The following DGKB variants were observed in gnomAD, a reference collection of about 807,000 sequenced individuals.
DGKB encodes 90 kDa diacylglycerol kinase.
Under a neutral mutation model 114.3 loss-of-function variants are expected in DGKB, and 67 were observed. That is an observed-to-expected ratio of 0.59 (90% CI 0.48 to 0.72). The LOEUF (loss-of-function observed/expected upper bound fraction) is 0.72. Ranked by LOEUF, DGKB falls within the 30% of genes least tolerant of loss-of-function variation. DGKB has a pLI of 0.00. For synonymous variants in DGKB, 398 were observed against 323.1 expected (o/e 1.23, Z -2.49); for missense variants, 907 against 975.2 (o/e 0.93, Z 0.93).
intron 13 of DGKB, among the ~76,000 whole-genome samples, chr7:14,663,754 A>T (rs1817565564): frequency 6.8e-6 from 1 of 147,332 alleles, no homozygotes; most frequent in African/African-American, 2.5e-5. Context: ...CTGTCTCATA[A>T]ATCTTCCACA....
At chr7:14,768,120 A>G (rs921352883) in intron 2 of DGKB, among the ~76,000 whole-genome samples, 1 of 151,964 alleles carries the variant, frequency 6.6e-6, no homozygotes, top group Admixed American at 6.6e-5. Flanking sequence ...GCTCACATAC[A>G]TATTTTAAAG....
intron 20 of DGKB, among the ~76,000 whole-genome samples, chr7:14,507,509 T>A (rs2128967321): frequency 6.6e-6 from 1 of 152,322 alleles, no homozygotes; most frequent in Non-Finnish European, 1.5e-5. Context: ...CCATAAAGTA[T>A]ATGAAGATAT....
At chr7:14,536,683 A>G (rs1792554170) in intron 20 of DGKB, among the ~76,000 whole-genome samples, 2 of 152,174 alleles carry the variant, frequency 1.3e-5, no homozygotes, top group South Asian at 2.1e-4. Context: ...TCTCAACACA[A>G]TAATGGTCAC....
intron 23 of DGKB, chr7:14,209,297 C>A (rs1215814052): frequency 7.7e-5 from 21 of 273,906 alleles, no homozygotes. Context: ...CCCCCTAAAC[C>A]AAAATTAAGT....
intron 9 of DGKB, 40 bp downstream of exon 9, chr7:14,694,035 G>A: frequency 1.3e-6 from 2 of 1,552,948 alleles, no homozygotes; most frequent in Non-Finnish European, 1.7e-6. Flanking sequence ...GAGCCCCACT[G>A]ACTCACCACC....
chr7:14,420,683 G>A (rs1360929236), intron 21 of DGKB, among the ~76,000 whole-genome samples: 1 of 152,048 alleles, frequency 6.6e-6, no homozygotes, highest in African/African-American at 2.4e-5. Flanking sequence ...ACTACTGCAT[G>A]AAGTTTCATT....
At chr7:14,785,815 C>A (rs548991278) in intron 2 of DGKB, among the ~76,000 whole-genome samples, 2 of 151,938 alleles carry the variant, frequency 1.3e-5, no homozygotes, top group Non-Finnish European at 2.9e-5. Flanking sequence ...ATTTTACACT[C>A]CACAATATAG....
chr7:14,846,594 C>T (rs535388778), intron 1 of DGKB, among the ~76,000 whole-genome samples: 40 of 152,166 alleles, frequency 2.6e-4, no homozygotes, highest in Non-Finnish European at 4.7e-4. Context: ...AGATTCCCTG[C>T]GGTGCATTCA....
intron 9 of DGKB, among the ~76,000 whole-genome samples, chr7:14,693,583 AAAGG>A (rs1191307697): frequency 1.3e-5 from 2 of 150,556 alleles, no homozygotes; most frequent in South Asian, 2.1e-4. Context: ...TTCTGCCATT[AAAGG>A]TAATGGCAGA....
Position 14,932,929 on chromosome 7 carries a change from C to T in DGKB, c.-188+41767G>A, listed in dbSNP as rs1396593316. Among the ~76,000 whole-genome samples, 4 of 152,242 alleles carry T rather than the reference C, an allele frequency of 2.6e-5. No individual in the cohort carries two copies. In the South Asian group the frequency reaches 8.3e-4, roughly 32 times the overall value. ...TCCACCTTGGAAATTGCTATTTGGTCGGTCCAGTAATACCAAATGGCACTG... is the reference window on the plus strand; with the variant it reads ...TCCACCTTGGAAATTGCTATTTGGTTGGTCCAGTAATACCAAATGGCACTG... On this transcript the variant is annotated intron_variant, in intron 1 of 4. Transcript: ENST00000437998.
At chr7:14,290,754 T>A (rs1584961537) in intron 23 of DGKB, among the ~76,000 whole-genome samples, 2 of 152,138 alleles carry the variant, frequency 1.3e-5, no homozygotes, top group East Asian at 3.9e-4. Context: ...CAAGAAAACA[T>A]CTCTGTGGAC....
intron 1 of DGKB, among the ~76,000 whole-genome samples, chr7:14,918,443 T>C (rs1784344553): frequency 6.6e-6 from 1 of 152,164 alleles, no homozygotes; most frequent in Admixed American, 6.5e-5. Flanking sequence ...AAAATTAAAT[T>C]GCCTTTCTAT....
chr7:14,231,528 T>C (rs1181428855), intron 23 of DGKB, among the ~76,000 whole-genome samples: 1 of 152,058 alleles, frequency 6.6e-6, no homozygotes, highest in Non-Finnish European at 1.5e-5. Flanking sequence ...AAAAGATTTC[T>C]GCAGGAAAAT....
At chr7:14,654,374 T>C (rs149268889) in intron 13 of DGKB, among the ~76,000 whole-genome samples, 1 of 151,804 alleles carries the variant, frequency 6.6e-6, no homozygotes, top group Non-Finnish European at 1.5e-5. Context: ...AAAACACTGA[T>C]GAAAAAAATT....
At chr7:14,848,960 G>A (rs1848995626) in intron 1 of DGKB, among the ~76,000 whole-genome samples, 1 of 151,696 alleles carries the variant, frequency 6.6e-6, no homozygotes, top group Non-Finnish European at 1.5e-5. Context: ...GCCCAATTCT[G>A]CTTGCTTTTT....
intron 20 of DGKB, among the ~76,000 whole-genome samples, chr7:14,500,889 T>C (rs1054095560): frequency 2.0e-5 from 3 of 151,872 alleles, no homozygotes; most frequent in Non-Finnish European, 4.4e-5. Context: ...AAGATATCTA[T>C]AAATATGACA....
intron 21 of DGKB, among the ~76,000 whole-genome samples, chr7:14,426,622 C>A (rs941141457): frequency 6.6e-6 from 1 of 152,182 alleles, no homozygotes; most frequent in East Asian, 1.9e-4. Context: ...GTATCCTAGG[C>A]AACCATGCTA....
intron 21 of DGKB, among the ~76,000 whole-genome samples, chr7:14,401,333 T>C (rs1312664372): frequency 6.6e-6 from 1 of 151,864 alleles, no homozygotes; most frequent in East Asian, 1.9e-4. Flanking sequence ...TACCATCTCA[T>C]AAGCCTGAGA....
chr7:14,801,925 T>TATACACACACAC (rs1554281696), intron 2 of DGKB, among the ~76,000 whole-genome samples: 1,819 of 148,030 alleles, frequency 0.012, 33 homozygotes, highest in African/African-American at 0.042. Context: ...TATATACATA[T>TATACACACACAC]ACACACACAC....
Sources: gnomAD v4.1 joint callset for allele counts (sites outside exome capture counted in the v4.1 genomes callset) on GRCh38, gnomAD v4.1.1 for gene constraint, MANE v1.5 for transcripts, NCBI Gene and HGNC (gene_info 2026-07-23, HGNC 2026-07-21) for gene names.